The following WNT7B variants were observed in gnomAD, a reference collection of about 807,000 sequenced individuals.
WNT7B encodes Wnt family member 7B.
In WNT7B, 19 loss-of-function variants were observed where a neutral mutation model predicts 38.2. That is an observed-to-expected ratio of 0.50 (90% confidence interval 0.35 to 0.73). WNT7B has a LOEUF of 0.73. Among genes scored for constraint, WNT7B ranks in the 30% least tolerant of loss-of-function variants. The probability of loss-of-function intolerance (pLI) is 0.01; values close to 1 mark genes in which losing one functional copy is unlikely to be tolerated. For synonymous variants in WNT7B, 243 were observed against 209.3 expected, an observed-to-expected ratio of 1.16 and a Z score of -1.39; for missense variants, 423 against 507.9, an observed-to-expected ratio of 0.83 and a Z score of 1.61.
At chr22:45,946,582 A>T (rs1172969417) in intron 2 of WNT7B, among the ~76,000 whole-genome samples, 3 of 152,090 alleles carry the variant, frequency 2.0e-5, no homozygotes, top group Non-Finnish European at 4.4e-5. Context: ...CTCTCGACAC[A>T]TGAGGAATAG....
intron 3 of WNT7B, chr22:45,927,005 G>C (rs1400110364): frequency 2.0e-6 from 2 of 985,454 alleles, no homozygotes; most frequent in East Asian, 1.1e-4. Context: ...GGAGCTGGTG[G>C]AACTCCACAG....
Position 45,950,033 on chromosome 22 carries a change from A to C in WNT7B, c.185T>G (p.Ile62Ser). The C allele has an allele frequency of 6.2e-7, 1 of 1,613,922 alleles. No individual in the cohort carries two copies. Among genetic ancestry groups the C allele is most frequent in the East Asian group, 2.2e-5 (1 of 44,870 alleles). ...CQSRPDAIIV[I>S]GEGAQMGINE... is the part of the protein sequence containing the mutation. ...GATGCCCATCTGCGCCCCCTCCCCAATCACAATGATGGCATCGGGCCGACT... is the reference window on the plus strand; with the variant it reads ...GATGCCCATCTGCGCCCCCTCCCCACTCACAATGATGGCATCGGGCCGACT... The change falls in exon 2 of 4, where the codon ATT becomes AGT. Residue 62 changes from isoleucine to serine, a missense_variant. Physicochemically the swap from Ile to Ser is moderately radical, Grantham distance 142. Around this residue, in one of 3 missense-constraint regions of WNT7B, gnomAD observed 133 missense variants for 179.8 expected, o/e 0.74. Transcript: ENST00000339464.
chr22:45,936,483 T>C (rs1931517485), intron 2 of WNT7B, among the ~76,000 whole-genome samples: 1 of 152,160 alleles, frequency 6.6e-6, no homozygotes, highest in Non-Finnish European at 1.5e-5. Context: ...TCCCCTCAAA[T>C]CCAGAGTATC....
Position 45,965,785 on chromosome 22 carries a change from G to T in WNT7B, c.71+10899C>A, listed in dbSNP as rs1932298469. 6.6e-6 allele frequency among the ~76,000 whole-genome samples: 1 copy of T among 152,186 alleles called. No individual in the cohort carries two copies. The highest frequency in any genetic ancestry group is 2.4e-5 in the African/African-American group (1 of 41,434). ...ACTTGGAGGCAGCCCCTGCAACCTT[G>T]AGACCCTCGCTCAGGGCCCCGGGGA... On this transcript the variant is annotated intron_variant, in intron 1 of 3. Transcript: ENST00000339464. The surrounding 1 kb of genome is among the most constrained non-coding windows in gnomAD (Gnocchi z 6.5).
intron 3 of WNT7B, 139 bp downstream of exon 3, chr22:45,930,959 G>T: frequency 1.7e-6 from 2 of 1,204,872 alleles, no homozygotes; most frequent in Non-Finnish European, 2.2e-6. Context: ...TGCACGTGGA[G>T]GACCCAGACG....
At chr22:45,950,192 G>A (rs536324201) in intron 1 of WNT7B, 46 bp from the exon 2 acceptor site, 16 of 1,532,610 alleles carry the variant, frequency 1.0e-5, no homozygotes, top group Admixed American at 5.4e-5. Context: ...GGCGGCCAGC[G>A]CCCCTCCTCA....
intron 1 of WNT7B, among the ~76,000 whole-genome samples, chr22:45,954,264 G>A (rs1932008604): frequency 6.6e-6 from 1 of 152,116 alleles, no homozygotes; most frequent in Non-Finnish European, 1.5e-5. Flanking sequence ...AGGGGAACGG[G>A]GAACAGGGAG....
intron 1 of WNT7B, among the ~76,000 whole-genome samples, chr22:45,958,654 T>C (rs1932126187): frequency 1.3e-5 from 2 of 152,206 alleles, no homozygotes; most frequent in African/African-American, 4.8e-5. Flanking sequence ...TTCAGCAGCC[T>C]GCCTGGTAGC....
chr22:45,931,633 C>G (rs796954988), intron 2 of WNT7B, among the ~76,000 whole-genome samples: 2 of 135,664 alleles, frequency 1.5e-5, no homozygotes, highest in South Asian at 4.9e-4. Flanking sequence ...CCCAGTGCAC[C>G]CTGCGACTGC....
intron 1 of WNT7B, among the ~76,000 whole-genome samples, chr22:45,960,418 T>C (rs977410641): frequency 2.0e-5 from 3 of 152,086 alleles, no homozygotes; most frequent in Admixed American, 2.0e-4. Flanking sequence ...GTCCCCAGAA[T>C]TGCCCAGCAC....
At chr22:45,925,666 C>T (rs1329170225) in intron 3 of WNT7B, 1 of 985,320 alleles carries the variant, frequency 1.0e-6, no homozygotes, top group African/African-American at 1.7e-5. Context: ...CTCCACTAAC[C>T]TGCCCTTCAG....
At chr22:45,929,674 T>A (rs1309513786) in intron 3 of WNT7B, among the ~76,000 whole-genome samples, 19 of 67,588 alleles carry the variant, frequency 2.8e-4, no homozygotes, top group Admixed American at 1.3e-3. Context: ...CCGCCCATCC[T>A]TCCCTCCATA....
intron 1 of WNT7B, among the ~76,000 whole-genome samples, chr22:45,954,352 T>C (rs557102027): frequency 1.3e-4 from 20 of 152,310 alleles, no homozygotes; most frequent in Non-Finnish European, 2.8e-4. Context: ...TGCACCACAT[T>C]GTGAATGGAC....
rs759836447 is a variant in WNT7B at position 45,976,731 on chromosome 22, C to A, written c.24G>T (p.Trp8Cys). The A allele has an allele frequency of 6.2e-7, 1 of 1,610,176 alleles. No homozygotes were observed. The highest frequency in any genetic ancestry group is 1.1e-5 in the South Asian group (1 of 90,876). ...CAAAGCAGAGAAACACGTAGAAAAT[C>A]CACTTGCGAAAGTTTCTGTGCATGA... MHRNFRK[W>C]IFYVFLCFGV... The change falls in exon 1 of 4, where the codon TGG becomes TGT. Residue 8 changes from tryptophan to cysteine, a missense_variant. This residue lies in a region of WNT7B where 133 missense variants were observed against 179.8 expected (regional missense o/e 0.74). Coordinates refer to ENST00000339464, the MANE Select transcript of WNT7B (RefSeq NM_058238.3). This position sits in a 1 kb window ranked among gnomAD's most constrained non-coding sequence, Gnocchi z 8.5.
intron 2 of WNT7B, among the ~76,000 whole-genome samples, chr22:45,942,666 A>G (rs1931678214): frequency 6.6e-6 from 1 of 151,876 alleles, no homozygotes; most frequent in Non-Finnish European, 1.5e-5. Context: ...TGCGGCTTAC[A>G]CGAAGGTGAT....
intron 1 of WNT7B, among the ~76,000 whole-genome samples, chr22:45,958,928 G>A (rs1286401439): frequency 5.3e-5 from 8 of 152,138 alleles, no homozygotes; most frequent in East Asian, 3.9e-4. Flanking sequence ...GCCCCCCGAC[G>A]GGCACCCAGC....
intron 2 of WNT7B, among the ~76,000 whole-genome samples, chr22:45,939,479 C>T (rs115733062): frequency 0.017 from 2,592 of 152,306 alleles, 67 homozygotes; most frequent in African/African-American, 0.059. Context: ...AGTATTGATA[C>T]ATGCTACAGT....
At position 45,966,566 on chromosome 22, in the gene WNT7B, C is replaced by T. The variant is rs934255076; in HGVS notation, c.71+10118G>A. ...GCTCTTCTCCGTTGCTGCTGACACC[C>T]GGCAAGCTGCTCGTCGGGTGCGGTG... On this transcript the variant is annotated intron_variant, in intron 1 of 3. Transcript: ENST00000339464. This position sits in a 1 kb window ranked among gnomAD's most constrained non-coding sequence, Gnocchi z 4.2. Among the ~76,000 whole-genome samples the T allele has an allele frequency of 8.5e-5, 13 of 152,232 alleles. No homozygotes were observed. Among genetic ancestry groups the T allele is most frequent in the Admixed American group, 2.0e-4 (3 of 15,290 alleles).
intron 2 of WNT7B, among the ~76,000 whole-genome samples, chr22:45,937,924 G>A (rs550611637): frequency 1.2e-4 from 18 of 152,208 alleles, no homozygotes; most frequent in African/African-American, 3.1e-4. Flanking sequence ...TAGGAGAATC[G>A]CTTGAACCTG....
Sources: gnomAD v4.1 joint callset for allele counts (sites outside exome capture counted in the v4.1 genomes callset) on GRCh38, gnomAD v4.1.1 for gene constraint, gnomAD v4.1.1 regional missense constraint, Gnocchi (gnomAD v3.1) non-coding constraint, MANE v1.5 for transcripts, NCBI Gene and HGNC (gene_info 2026-07-23, HGNC 2026-07-21) for gene names.